Variants in PWP2 observed in about 807,000 individuals in gnomAD.
The protein encoded by PWP2 is periodic tryptophan protein 2 homolog.
For missense variants in PWP2, 35 were observed against 114.1 expected, an observed-to-expected ratio of 0.31 and a Z score of 3.16; for synonymous variants, 24 against 45.4, an observed-to-expected ratio of 0.53 and a Z score of 1.89.
intron 14 of PWP2, among the ~76,000 whole-genome samples, chr21:44,122,948 AAAAC>A (rs753865925): frequency 3.1e-5 from 1 of 32,278 alleles, no homozygotes; most frequent in African/African-American, 5.3e-5. Context: ...TCTCAAAAAC[AAAAC>A]AAACAAAAGC....
At position 44,116,986 on chromosome 21, in the gene PWP2, G is replaced by A. The variant is rs953971338; in HGVS notation, c.837-834G>A. On this transcript the variant is annotated intron_variant, in intron 7 of 20. Transcript: ENST00000291576. Reference sequence around the variant, plus strand: ...CTGGGTCTGAGGAGCAGGGAGGGCCGGCTGGACTCCAGTGGGAGGAGGGTG... The same window carrying A: ...CTGGGTCTGAGGAGCAGGGAGGGCCAGCTGGACTCCAGTGGGAGGAGGGTG... 1.0e-4 allele frequency among the ~76,000 whole-genome samples: 3 copies of A among 29,268 alleles called. 1 individual carries two copies. The highest frequency in any genetic ancestry group is 2.4e-3 in the East Asian group (2 of 824). 19.2% of individuals were successfully genotyped at this position (29,268 alleles called of 152,430 possible). A position where few individuals can be genotyped will look rare whatever the true frequency, so the allele number is the denominator to read the frequency against.
In PWP2 at chr21:44,129,074, C is replaced by T. The variant is rs970630832; in HGVS notation, c.2585+448C>T. 8.4e-5 allele frequency among the ~76,000 whole-genome samples: 6 copies of T among 71,642 alleles called. 1 individual carries two copies. Among genetic ancestry groups the T allele is most frequent in the African/African-American group, 1.8e-4 (6 of 32,814 alleles). 47.0% of individuals were successfully genotyped at this position (71,642 alleles called of 152,430 possible). The stretch of plus-strand genomic sequence containing the variant: ...GAAAAGGGTGCTGTTGCTGCTGCTG[C>T]GAGGATTCATCCGCGGGCCTAGGAC... On this transcript the variant is annotated intron_variant, in intron 20 of 20. Transcript: ENST00000291576.
chr21:44,121,125 G>GAGCAGCGGCCTGGGGACC lies in PWP2; in HGVS notation c.1636+30_1636+47dup, dbSNP rs562838052. On this transcript the variant is annotated intron_variant, in intron 13 of 20. Transcript: ENST00000291576. ...ATGGTGAGCACGAGGCAGCAGGCAGGAGCAGCGGCCTGGGGACCAGCAGCA... is the reference window on the plus strand; with the variant it reads ...ATGGTGAGCACGAGGCAGCAGGCAGGAGCAGCGGCCTGGGGACCAGCAGCGGCCTGGGGACCAGCAGCA... 2.2e-3 allele frequency: 758 copies of GAGCAGCGGCCTGGGGACC among 346,204 alleles called. 110 individuals are homozygous for GAGCAGCGGCCTGGGGACC. The highest frequency in any genetic ancestry group is 0.015 in the African/African-American group (679 of 46,030). The allele number at this position is 346,204 out of a possible 1,614,324, so 21.4% of individuals were successfully genotyped here. A position where few individuals can be genotyped will look rare whatever the true frequency, so the allele number is the denominator to read the frequency against.
In PWP2 at chr21:44,120,496, G is replaced by T. The variant is rs369539344; in HGVS notation, c.1337G>T (p.Arg446Met). The T allele has an allele frequency of 4.1e-6, 1 of 245,984 alleles. No individual in the cohort carries two copies. The highest frequency in any genetic ancestry group is 8.1e-5 in the East Asian group (1 of 12,294). 15.2% of individuals were successfully genotyped at this position (245,984 alleles called of 1,614,324 possible). A position where few individuals can be genotyped will look rare whatever the true frequency, so the allele number is the denominator to read the frequency against. The change falls in exon 11 of 21, where the codon AGG becomes ATG. Residue 446 changes from arginine to methionine, a missense_variant and splice_region_variant. By Grantham distance (91) the Arg-to-Met change is moderately conservative. Coordinates refer to ENST00000291576, the MANE Select transcript of PWP2 (RefSeq NM_005049.3). ...ACCGTGCGAGCCTTTGACCTTCACA[G>T]GTGATGTTTTTGCTCCGGATTGGCT... is the stretch of plus-strand genomic sequence containing the variant. ...DGTVRAFDLH[R>M]YRNFRTFTSP...
Position 44,124,666 on chromosome 21 carries a change from G to A in PWP2, c.1904G>A (p.Arg635His), listed in dbSNP as rs144635092. The stretch of plus-strand genomic sequence containing the variant: ...AAGTTCGTGTGCATCTACCACGTCC[G>A]TGAGCAGATTCTCATGAAGAGGTTC... ...MSKFVCIYHV[R>H]EQILMKRFEI... is the part of the protein sequence containing the mutation. Residue 635 changes from arginine to histidine, a missense_variant, in exon 15 of 21, where the codon CGT becomes CAT. By Grantham distance (29) the Arg-to-His change is conservative. Coordinates refer to ENST00000291576, the MANE Select transcript of PWP2 (RefSeq NM_005049.3). 22 of 536,270 alleles carry A rather than the reference G, an allele frequency of 4.1e-5. 10 individuals are homozygous for A. Among genetic ancestry groups the A allele is most frequent in the African/African-American group, 1.1e-4 (4 of 37,904 alleles). 33.2% of individuals were successfully genotyped at this position (536,270 alleles called of 1,614,324 possible).
At position 44,119,134 on chromosome 21, in the gene PWP2, C is replaced by T. The variant is rs1232153072; in HGVS notation, c.1052-253C>T. On this transcript the variant is annotated intron_variant, in intron 9 of 20. Transcript: ENST00000291576. ...CTCAAGCACCTCTCTGTCTTAAGCC[C>T]CTTGCTCAGGGGTCGGGGGTCATAG... is the stretch of plus-strand genomic sequence containing the variant. 56 of 199,644 alleles carry T rather than the reference C, an allele frequency of 2.8e-4. 22 individuals are homozygous for T. The highest frequency in any genetic ancestry group is 5.8e-4 in the Non-Finnish European group (48 of 82,564). 12.4% of individuals were successfully genotyped at this position (199,644 alleles called of 1,614,324 possible).
Position 44,112,236 on chromosome 21 carries a change from C to T in PWP2, c.132-1517C>T, listed in dbSNP as rs868361197. ...ACATCTTGTGAAAGGAAGAGTCCAT[C>T]GATACGGCAAGCTTCACTGTTGTGT... On this transcript the variant is annotated intron_variant, in intron 2 of 20. Coordinates refer to ENST00000291576, the MANE Select transcript of PWP2 (RefSeq NM_005049.3). Among the ~76,000 whole-genome samples, 2 of 69,192 alleles carry T rather than the reference C, an allele frequency of 2.9e-5. 1 individual carries two copies. The highest frequency in any genetic ancestry group is 6.2e-5 in the African/African-American group (2 of 32,260). 45.4% of individuals were successfully genotyped at this position (69,192 alleles called of 152,430 possible).
At chr21:44,127,791 G>C (rs141802335) in intron 17 of PWP2, 141 bp from the exon 18 acceptor site, 1 of 70,516 alleles carries the variant, frequency 1.4e-5, no homozygotes, top group East Asian at 2.4e-4. Context: ...GCTAGAGGCA[G>C]ACGTCCCGGT....
chr21:44,119,904 TA>T (rs1041333663), intron 10 of PWP2, among the ~76,000 whole-genome samples: 1 of 7,772 alleles, frequency 1.3e-4, no homozygotes, highest in Admixed American at 1.5e-3. Context: ...ATCTAGGCCT[TA>T]AATGGGCTCC....
chr21:44,124,553 G>GT (rs2039302758), intron 14 of PWP2, 27 bp from the exon 15 acceptor site: 2 of 165,214 alleles, frequency 1.2e-5, no homozygotes, highest in Non-Finnish European at 1.9e-5. Flanking sequence ...GGTGGCCACC[G>GT]TAAGTCCATG....
Position 44,118,973 on chromosome 21 carries a change from G to C in PWP2, c.1051+140G>C. On this transcript the variant is annotated intron_variant, in intron 9 of 20. Transcript: ENST00000291576. ...CTTCCATGGGGTGCCCTCTCCCCCAGCCGCCTTTCAGAAGGGGCCCTCCCC... is the reference window on the plus strand; with the variant it reads ...CTTCCATGGGGTGCCCTCTCCCCCACCCGCCTTTCAGAAGGGGCCCTCCCC... 2 of 209,722 alleles carry C rather than the reference G, an allele frequency of 9.5e-6. 1 individual carries two copies. The highest frequency in any genetic ancestry group is 1.4e-4 in the East Asian group (2 of 13,890). 13.0% of individuals were successfully genotyped at this position (209,722 alleles called of 1,614,324 possible). A position where few individuals can be genotyped will look rare whatever the true frequency, so the allele number is the denominator to read the frequency against.
At chr21:44,116,418 TTGG>T (rs1038073769) in intron 7 of PWP2, among the ~76,000 whole-genome samples, 3 of 32,326 alleles carry the variant, frequency 9.3e-5, no homozygotes, top group African/African-American at 1.6e-4. Flanking sequence ...TGGGTGGTAC[TTGG>T]TGCTTTTTCA....
intron 2 of PWP2, among the ~76,000 whole-genome samples, chr21:44,112,260 G>GTTAGGAA (rs939867556): frequency 3.1e-5 from 2 of 64,944 alleles, no homozygotes; most frequent in African/African-American, 6.5e-5. Context: ...TCACTGTTGT[G>GTTAGGAA]TTAGGAATTG....
Position 44,120,512 on chromosome 21 carries a change from C to T in PWP2, c.1337+16C>T, listed in dbSNP as rs149934640. Reference sequence around the variant, plus strand: ...ACCTTCACAGGTGATGTTTTTGCTCCGGATTGGCTTGGGGCAGGCTTCCCC... The same window carrying T: ...ACCTTCACAGGTGATGTTTTTGCTCTGGATTGGCTTGGGGCAGGCTTCCCC... On this transcript the variant is annotated intron_variant, in intron 11 of 20. Coordinates refer to ENST00000291576, the MANE Select transcript of PWP2 (RefSeq NM_005049.3). 1 of 223,444 alleles carries T rather than the reference C, an allele frequency of 4.5e-6. No individual in the cohort carries two copies. 13.8% of individuals were successfully genotyped at this position (223,444 alleles called of 1,614,324 possible).
rs766706602 is a variant in PWP2, at chr21:44,127,934, C to T, written c.2143C>T (p.Arg715Cys). 1.9e-5 allele frequency: 2 copies of T among 102,962 alleles called. No homozygotes were observed. Among genetic ancestry groups the T allele is most frequent in the Admixed American group, 1.6e-4 (1 of 6,130 alleles). 6.4% of individuals were successfully genotyped at this position (102,962 alleles called of 1,614,324 possible). ...VTSLRFSPTG[R>C]CWAATTTEGL... The stretch of plus-strand genomic sequence containing the variant: ...GAAAGCACTGCTTAATTTCCCAGGG[C>T]GCTGCTGGGCGGCCACCACCACGGA... Residue 715 changes from arginine (R) to cysteine (C), a missense_variant and splice_region_variant, in exon 18 of 21, where the codon CGC becomes TGC. Physicochemically the swap from Arg to Cys is radical, Grantham distance 180. Transcript: ENST00000291576.
chr21:44,118,925 G>A lies in PWP2; in HGVS notation c.1051+92G>A, dbSNP rs373948987. 4.8e-5 allele frequency: 16 copies of A among 334,854 alleles called. 6 individuals are homozygous for A. Among genetic ancestry groups the A allele is most frequent in the Non-Finnish European group, 9.4e-5 (16 of 170,336 alleles). 20.7% of individuals were successfully genotyped at this position (334,854 alleles called of 1,614,324 possible). A position where few individuals can be genotyped will look rare whatever the true frequency, so the allele number is the denominator to read the frequency against. On this transcript the variant is annotated intron_variant, in intron 9 of 20. Coordinates refer to ENST00000291576, the MANE Select transcript of PWP2 (RefSeq NM_005049.3). ...CATACTTGACAGCCACCCACTGGGGGTGCCCTCCCCTCCCCCAGTTGTCTT... is the reference window on the plus strand; with the variant it reads ...CATACTTGACAGCCACCCACTGGGGATGCCCTCCCCTCCCCCAGTTGTCTT...
chr21:44,116,856 G>A (rs57855582), intron 7 of PWP2, among the ~76,000 whole-genome samples: 2,833 of 11,850 alleles, frequency 0.24, 667 homozygotes, highest in African/African-American at 0.32. Flanking sequence ...TGGGGAAGGC[G>A]CCCACACAAG....
At chr21:44,116,891 C>T (rs906617337) in intron 7 of PWP2, among the ~76,000 whole-genome samples, 1 of 15,208 alleles carries the variant, frequency 6.6e-5, no homozygotes, top group East Asian at 2.3e-3. Context: ...GGGAGCCAGG[C>T]GGCCAGAACG....
chr21:44,118,713 G>T, intron 8 of PWP2, 50 bp from the exon 9 acceptor site: 1 of 502,394 alleles, frequency 2.0e-6, no homozygotes, highest in African/African-American at 1.7e-5. Flanking sequence ...GGGCACTGGG[G>T]CTTCAGCCCG....
Sources: allele counts gnomAD v4.1 joint callset (sites outside exome capture counted in the v4.1 genomes callset), GRCh38; gene constraint gnomAD v4.1.1; transcripts MANE v1.5; gene names NCBI Gene and HGNC (gene_info 2026-07-23, HGNC 2026-07-21).